Variants in FABP3 observed in about 807,000 individuals in gnomAD.
FABP3 encodes the protein fatty acid-binding protein, heart.
In FABP3, 8 loss-of-function variants were observed where a neutral mutation model predicts 13.4. The observed-to-expected ratio is 0.60, with a 90% CI of 0.35 to 1.07. The LOEUF (loss-of-function observed/expected upper bound fraction) is 1.07. Ranked by LOEUF, FABP3 falls within the 50% of genes least tolerant of loss-of-function variation. FABP3 has a pLI of 0.02. For synonymous variants in FABP3, 64 were observed against 60.0 expected (o/e 1.07, Z -0.31); for missense variants, 135 against 164.7 (o/e 0.82, Z 0.99).
intron 3 of FABP3, 117 bp downstream of exon 3, chr1:31,367,276 C>A: frequency 1.2e-6 from 1 of 852,886 alleles, no homozygotes. Context: ...CCCACAACCA[C>A]TCTCTTGTCC....
downstream of FABP3, chr1:31,364,321 G>T (rs76897038): frequency 6.8e-5 from 97 of 1,422,568 alleles, no homozygotes; most frequent in Non-Finnish European, 8.0e-5. Context: ...ATGGGAGATG[G>T]CTTCCCCTCA....
chr1:31,359,669 T>C, the FABP3 span, among the ~76,000 whole-genome samples: 1 of 152,188 alleles, frequency 6.6e-6, no homozygotes, highest in African/African-American at 2.4e-5. Context: ...ATAGTGAAAA[T>C]GGGTAGACTA....
rs1313751256 is a variant in FABP3 at position 31,365,786 on chromosome 1, G to A, written c.*100C>T. ...GTGGCACCTGACCCCAGAAGAATTC[G>A]TGGATTTGTACAAAATGCAGAGGAA... On this transcript the variant is annotated 3_prime_UTR_variant, in exon 4 of 4. Coordinates refer to ENST00000373713, the MANE Select transcript of FABP3 (RefSeq NM_004102.5). 16 of 1,107,612 alleles carry A rather than the reference G, an allele frequency of 1.4e-5. No homozygotes were observed. The highest frequency in any genetic ancestry group is 3.9e-5 in the South Asian group (3 of 77,538). 68.6% of individuals were successfully genotyped at this position (1,107,612 alleles called of 1,614,324 possible). A position where few individuals can be genotyped will look rare whatever the true frequency, so the allele number is the denominator to read the frequency against.
At chr1:31,372,669 C>G (rs113110668) in intron 1 of FABP3, among the ~76,000 whole-genome samples, 3,421 of 152,212 alleles carry the variant, frequency 0.022, 116 homozygotes, top group African/African-American at 0.077. Context: ...TCCAAACCCT[C>G]CTCCTACCTC....
intron 2 of FABP3, among the ~76,000 whole-genome samples, chr1:31,368,191 A>G (rs944583719): frequency 2.0e-5 from 3 of 152,230 alleles, no homozygotes; most frequent in African/African-American, 4.8e-5. Context: ...GGGGGCCACA[A>G]GGCCAGGCTA....
At chr1:31,364,776 GT>G (rs1298236273), downstream of FABP3, 4 of 152,968 alleles carry the variant, frequency 2.6e-5, no homozygotes, top group African/African-American at 9.7e-5. Flanking sequence ...AGTCTGCAGT[GT>G]GACTTAACTT....
intron 2 of FABP3, 65 bp downstream of exon 2, chr1:31,369,320 T>TA: frequency 6.4e-7 from 1 of 1,550,920 alleles, no homozygotes; most frequent in Non-Finnish European, 8.8e-7. Flanking sequence ...GAGCCAAGAC[T>TA]ACCAGCCTAT....
chr1:31,373,071 G>A lies in FABP3; in HGVS notation c.-57C>T, dbSNP rs1420548789. The stretch of plus-strand genomic sequence containing the variant: ...AAGAGAGCAGGCGTGCAAGGGCTCC[G>A]ACGGCGGCTCCCTGCCCGGGCTGCC... On this transcript the variant is annotated 5_prime_UTR_variant, in exon 1 of 4. Transcript: ENST00000373713. The A allele has an allele frequency of 1.3e-6, 2 of 1,552,024 alleles. No individual in the cohort carries two copies. The highest frequency in any genetic ancestry group is 1.8e-6 in the Non-Finnish European group (2 of 1,125,996).
At chr1:31,364,181 G>C, downstream of FABP3, 2 of 1,613,442 alleles carry the variant, frequency 1.2e-6, no homozygotes, top group South Asian at 2.2e-5. Context: ...ACAAGAAGAA[G>C]CACAAGGAGT....
Position 31,365,891 on chromosome 1 carries a change from C to T in FABP3, c.397G>A (p.Ala133Thr). Residue 133 changes from alanine (A) to threonine (T), a missense_variant, in exon 4 of 4, where the codon GCA becomes ACA. Physicochemically the swap from Ala to Thr is moderately conservative, Grantham distance 58. Coordinates refer to ENST00000373713, the MANE Select transcript of FABP3 (RefSeq NM_004102.5). ...TCAGCAACAGTGCAGTCAGGTCATG[C>T]CTCTTTCTCATAAGTGCGAGTGCAA... is the stretch of plus-strand genomic sequence containing the variant. Reference protein sequence around the residue: ...AVCTRTYEKEA With the variant: ...AVCTRTYEKET 1 of 1,613,866 alleles carries T rather than the reference C, an allele frequency of 6.2e-7. No individual in the cohort carries two copies. The highest frequency in any genetic ancestry group is 1.7e-5 in the Admixed American group (1 of 59,988).
chr1:31,363,760 C>T (rs1220338709), downstream of FABP3, among the ~76,000 whole-genome samples: 1 of 152,144 alleles, frequency 6.6e-6, no homozygotes, highest in African/African-American at 2.4e-5. Context: ...GCACTCTAGC[C>T]TGGGCAACAG....
intron 3 of FABP3, 31 bp from the exon 4 acceptor site, chr1:31,365,970 T>C: frequency 6.2e-7 from 1 of 1,607,682 alleles, no homozygotes; most frequent in Non-Finnish European, 8.5e-7. Context: ...AGATGGGGGG[T>C]GGAGCCAGGA....
chr1:31,369,578 A>G (rs1200771258), intron 1 of FABP3, 21 bp from the exon 2 acceptor site: 2 of 1,612,974 alleles, frequency 1.2e-6, no homozygotes, highest in East Asian at 2.2e-5. Flanking sequence ...GGGGAAGGTT[A>G]TGAGTATATG....
downstream of FABP3, among the ~76,000 whole-genome samples, chr1:31,363,486 A>G (rs1188585169): frequency 1.3e-5 from 2 of 151,952 alleles, no homozygotes; most frequent in Admixed American, 6.6e-5. Flanking sequence ...CCTGGCCACA[A>G]TGTCTTATAC....
intron 2 of FABP3, among the ~76,000 whole-genome samples, chr1:31,368,129 C>A (rs1640143366): frequency 6.6e-6 from 1 of 152,208 alleles, no homozygotes; most frequent in Non-Finnish European, 1.5e-5. Context: ...AGCATACATA[C>A]ATCAGCTGGT....
rs1216482432 is a variant in FABP3, at chr1:31,365,868, A to G, written c.*18T>C. On this transcript the variant is annotated 3_prime_UTR_variant, in exon 4 of 4. Coordinates refer to ENST00000373713, the MANE Select transcript of FABP3 (RefSeq NM_004102.5). ...GTAGCCGATTGGCAGAGTAGTAGTC[A>G]GCAACAGTGCAGTCAGGTCATGCCT... 1 of 1,613,124 alleles carries G rather than the reference A, an allele frequency of 6.2e-7. No individual in the cohort carries two copies. Among genetic ancestry groups the G allele is most frequent in the African/African-American group, 1.3e-5 (1 of 75,026 alleles).
chr1:31,368,254 G>A (rs963372917), intron 2 of FABP3, among the ~76,000 whole-genome samples: 4 of 152,210 alleles, frequency 2.6e-5, no homozygotes, highest in Admixed American at 2.0e-4. Flanking sequence ...AAGGTTCTGT[G>A]TATTGTTTAG....
rs1040123276 is a variant in FABP3 at position 31,369,447 on chromosome 1, CTG to C, written c.182_183del (p.Thr61ArgfsTer5). 9 of 1,614,070 alleles carry C rather than the reference CTG, an allele frequency of 5.6e-6. No homozygotes were observed. Among genetic ancestry groups the C allele is most frequent in the African/African-American group, 2.7e-5 (2 of 74,924 alleles). Reference sequence around the variant, plus strand: ...TCCACCCCCAACTTAAAGCTGATCTCTGTGTTCTTGAAGGTGCTGTGTGTTTT... The same window carrying C: ...TCCACCCCCAACTTAAAGCTGATCTCTGTTCTTGAAGGTGCTGTGTGTTTT... ...TLKTHSTFKNTEISFKLGVEF... is the reference protein window; with the variant it reads ...TLKTHSTFKNXEISFKLGVEF... On this transcript the variant is annotated frameshift_variant, in exon 2 of 4. Coordinates refer to ENST00000373713, the MANE Select transcript of FABP3 (RefSeq NM_004102.5). LOFTEE classifies it high-confidence loss of function.
intron 2 of FABP3, 90 bp from the exon 3 acceptor site, chr1:31,367,584 A>T: frequency 9.6e-7 from 1 of 1,039,876 alleles, no homozygotes. Flanking sequence ...CAGAGCACAC[A>T]GCCTTTGACC....
Sources: allele counts gnomAD v4.1 joint callset (sites outside exome capture counted in the v4.1 genomes callset), GRCh38; gene constraint gnomAD v4.1.1; transcripts MANE v1.5; gene names NCBI Gene and HGNC (gene_info 2026-07-23, HGNC 2026-07-21).